Variants in SPSB1 observed in about 807,000 individuals in gnomAD.
SPSB1 encodes the protein SPRY domain-containing SOCS box protein 1.
Under a neutral mutation model 21.2 loss-of-function variants are expected in SPSB1, and 8 were observed. That is an observed-to-expected ratio of 0.38 (90% CI 0.22 to 0.68). SPSB1 has a LOEUF of 0.68. Among genes scored for constraint, SPSB1 ranks in the 30% least tolerant of loss-of-function variants. SPSB1 has a pLI of 0.53. For missense variants in SPSB1, 242 were observed against 377.8 expected, an observed-to-expected ratio of 0.64 and a Z score of 2.98; for synonymous variants, 169 against 161.7, an observed-to-expected ratio of 1.05 and a Z score of -0.34.
chr1:9,331,871 C>G (rs75743450), intron 1 of SPSB1, among the ~76,000 whole-genome samples: 3,643 of 152,272 alleles, frequency 0.024, 100 homozygotes, highest in African/African-American at 0.064. Flanking sequence ...GGTTGAGCTT[C>G]TTTTCCTACA....
chr1:9,309,675 T>C (rs9435212), intron 1 of SPSB1, among the ~76,000 whole-genome samples: 8,684 of 152,140 alleles, frequency 0.057, 349 homozygotes, highest in African/African-American at 0.11. Flanking sequence ...AAACCCCGTC[T>C]CTACTAAAAA....
intron 1 of SPSB1, among the ~76,000 whole-genome samples, chr1:9,319,070 C>T (rs1397856916): frequency 6.6e-6 from 1 of 152,050 alleles, no homozygotes; most frequent in Non-Finnish European, 1.5e-5. Flanking sequence ...CCCAGCTGCT[C>T]CAGAGGCTGA....
chr1:9,323,817 TCTG>T (rs1159427757), intron 1 of SPSB1, among the ~76,000 whole-genome samples: 1 of 152,224 alleles, frequency 6.6e-6, no homozygotes, highest in Non-Finnish European at 1.5e-5. Flanking sequence ...ATACATTTCT[TCTG>T]CTGTTGCCCA....
chr1:9,327,866 G>A (rs1251195592), intron 1 of SPSB1, among the ~76,000 whole-genome samples: 2 of 152,240 alleles, frequency 1.3e-5, no homozygotes, highest in African/African-American at 4.8e-5. Flanking sequence ...GAAGTAGATA[G>A]TGGGCCATAT....
At chr1:9,333,672 G>A (rs921029529) in intron 1 of SPSB1, among the ~76,000 whole-genome samples, 1 of 152,194 alleles carries the variant, frequency 6.6e-6, no homozygotes, top group East Asian at 1.9e-4. Context: ...TGAGCCTGCT[G>A]TGAACAGCCT....
At chr1:9,361,061 G>C (rs775323857) in intron 2 of SPSB1, among the ~76,000 whole-genome samples, 1 of 152,092 alleles carries the variant, frequency 6.6e-6, no homozygotes, top group Non-Finnish European at 1.5e-5. Flanking sequence ...ACTAAAGAAG[G>C]GGGGTGTCCT....
chr1:9,340,001 C>T (rs1569626426), intron 1 of SPSB1, among the ~76,000 whole-genome samples: 1 of 152,002 alleles, frequency 6.6e-6, no homozygotes, highest in Non-Finnish European at 1.5e-5. Context: ...ACCGACAGCC[C>T]TGAACCACCT....
At chr1:9,358,040 C>T (rs1374055764) in intron 2 of SPSB1, among the ~76,000 whole-genome samples, 1 of 152,128 alleles carries the variant, frequency 6.6e-6, no homozygotes, top group Non-Finnish European at 1.5e-5. Flanking sequence ...GGCCCCCCAC[C>T]AGAGGTCAGG....
intron 1 of SPSB1, among the ~76,000 whole-genome samples, chr1:9,309,851 CAGTAG>C (rs1165797642): frequency 1.3e-5 from 2 of 152,088 alleles, no homozygotes; most frequent in Non-Finnish European, 2.9e-5. Context: ...CAAATAAATA[CAGTAG>C]AGTAGAGTAG....
At chr1:9,307,140 C>T (rs928935515) in intron 1 of SPSB1, among the ~76,000 whole-genome samples, 1 of 151,974 alleles carries the variant, frequency 6.6e-6, no homozygotes, top group Non-Finnish European at 1.5e-5. Context: ...GTTGGCCAGG[C>T]CGGTCTCGAA....
At chr1:9,357,064 G>A (rs1019941289) in intron 2 of SPSB1, among the ~76,000 whole-genome samples, 1 of 151,854 alleles carries the variant, frequency 6.6e-6, no homozygotes, top group Non-Finnish European at 1.5e-5. Context: ...TGAGTGGATG[G>A]ATAAATGAAC....
intron 1 of SPSB1, among the ~76,000 whole-genome samples, chr1:9,337,038 C>T (rs1640015828): frequency 1.3e-5 from 2 of 152,148 alleles, no homozygotes; most frequent in African/African-American, 4.8e-5. Flanking sequence ...TTCTAGCTCT[C>T]TCTGGCATCA....
chr1:9,297,294 A>G (rs1639241553), intron 1 of SPSB1, among the ~76,000 whole-genome samples: 2 of 152,184 alleles, frequency 1.3e-5, no homozygotes, highest in Non-Finnish European at 2.9e-5. Flanking sequence ...AGATGAAGAA[A>G]ATATCAGGAT....
At chr1:9,340,330 G>A (rs962600422) in intron 1 of SPSB1, among the ~76,000 whole-genome samples, 2 of 152,184 alleles carry the variant, frequency 1.3e-5, no homozygotes, top group Non-Finnish European at 2.9e-5. Context: ...CCGGAGCCCC[G>A]CGGTCTGACT....
chr1:9,318,240 C>A (rs72642739), intron 1 of SPSB1, among the ~76,000 whole-genome samples: 2 of 152,220 alleles, frequency 1.3e-5, no homozygotes. Context: ...CGAATGCAGC[C>A]GGCAGCAGAA....
At chr1:9,347,171 G>A (rs764406678) in intron 1 of SPSB1, among the ~76,000 whole-genome samples, 5 of 152,124 alleles carry the variant, frequency 3.3e-5, no homozygotes, top group African/African-American at 9.7e-5. Flanking sequence ...AAAAAAAAGC[G>A]TTTTAAACGC....
intron 1 of SPSB1, among the ~76,000 whole-genome samples, chr1:9,333,527 C>T (rs1303876955): frequency 6.6e-6 from 1 of 151,744 alleles, no homozygotes; most frequent in African/African-American, 2.4e-5. Flanking sequence ...GACGGGGTTT[C>T]GCCATGTTGG....
intron 1 of SPSB1, among the ~76,000 whole-genome samples, chr1:9,306,823 G>T (rs1639419415): frequency 6.6e-6 from 1 of 152,210 alleles, no homozygotes; most frequent in Non-Finnish European, 1.5e-5. Flanking sequence ...CTGAGCTAAG[G>T]AGAGAAAGTA....
intron 1 of SPSB1, among the ~76,000 whole-genome samples, chr1:9,316,558 G>C (rs74051610): frequency 3.5e-4 from 53 of 152,122 alleles, no homozygotes; most frequent in East Asian, 1.5e-3. Flanking sequence ...TGGCGAGGAG[G>C]GGGGGGCTGA....
Sources: allele counts gnomAD v4.1 joint callset (sites outside exome capture counted in the v4.1 genomes callset), GRCh38; gene constraint gnomAD v4.1.1; transcripts MANE v1.5; gene names NCBI Gene and HGNC (gene_info 2026-07-23, HGNC 2026-07-21).